Variants in NUMBL observed in about 807,000 individuals in gnomAD.
The protein encoded by NUMBL is numb-like protein.
A neutral mutation model predicts 48.9 loss-of-function variants in NUMBL; 20 were observed. The ratio of observed to expected loss-of-function variants is 0.41; its 90% CI spans 0.29 to 0.59. The LOEUF (loss-of-function observed/expected upper bound fraction) is 0.59, where lower values mean the gene tolerates loss of function less well. Among genes scored for constraint, NUMBL ranks in the 20% least tolerant of loss-of-function variants. The pLI, the probability that NUMBL is intolerant of heterozygous loss-of-function variation, is 0.31. For missense variants in NUMBL, 660 were observed against 846.2 expected, an observed-to-expected ratio of 0.78 and a Z score of 2.73; for synonymous variants, 340 against 348.7, an observed-to-expected ratio of 0.98 and a Z score of 0.28.
chr19:40,684,436 G>A lies in NUMBL; in HGVS notation c.230C>T (p.Thr77Met), dbSNP rs566656024. 1.6e-5 allele frequency: 25 copies of A among 1,572,806 alleles called. No homozygotes were observed. The South Asian group carries it at 1.8e-4, about 12-fold the overall frequency. The stretch of plus-strand genomic sequence containing the variant: ...ACTCACCCTGACCGGGAAGCTGCAC[G>A]TGCCCTTCCGCACCGCGTCCTCGTC... ...QADEDAVRKG[T>M]CSFPVRYLGH... Residue 77 changes from threonine to methionine, a missense_variant, in exon 3 of 10, where the codon ACG becomes ATG. Coordinates refer to ENST00000252891, the MANE Select transcript of NUMBL (RefSeq NM_004756.5).
chr19:40,671,071 G>T (rs934287549), intron 8 of NUMBL, among the ~76,000 whole-genome samples: 1 of 152,088 alleles, frequency 6.6e-6, no homozygotes, highest in Non-Finnish European at 1.5e-5. Context: ...CCGCCTCCCA[G>T]GCTCAAGCAA....
At position 40,684,540 on chromosome 19, in the gene NUMBL, C is replaced by A. The variant is rs1287014038; in HGVS notation, c.126G>T (p.Met42Ile). 1 of 1,609,970 alleles carries A rather than the reference C, an allele frequency of 6.2e-7. No individual in the cohort carries two copies. The highest frequency in any genetic ancestry group is 1.1e-5 in the South Asian group (1 of 90,540). The part of the protein sequence containing the change: ...CRTEPDGAGT[M>I]NKLRQSLRRR... ...GCCGCAGGCTCTGCCGTAACTTGTTCATGGTGCCCGCCCCGTCTGGTGACA... is the reference window on the plus strand; with the variant it reads ...GCCGCAGGCTCTGCCGTAACTTGTTAATGGTGCCCGCCCCGTCTGGTGACA... The change falls in exon 3 of 10, where the codon ATG becomes ATT. Residue 42 changes from methionine (M) to isoleucine (I), a missense_variant. By Grantham distance (10) the Met-to-Ile change is conservative. Transcript: ENST00000252891.
rs1456727937 is a variant in NUMBL, at chr19:40,665,917, A to G, written c.*1551T>C. 2.0e-5 allele frequency: 3 copies of G among 152,234 alleles called. No individual in the cohort carries two copies. The highest frequency in any genetic ancestry group is 4.4e-5 in the Non-Finnish European group (3 of 68,052). 9.4% of individuals were successfully genotyped at this position (152,234 alleles called of 1,614,324 possible). On this transcript the variant is annotated 3_prime_UTR_variant, in exon 10 of 10. Coordinates refer to ENST00000252891, the MANE Select transcript of NUMBL (RefSeq NM_004756.5). Reference sequence around the variant, plus strand: ...ATCAACCACCTCATTTTAAAGAGCTATAACGAAACAAAATTTATATGTTAT... The same window carrying G: ...ATCAACCACCTCATTTTAAAGAGCTGTAACGAAACAAAATTTATATGTTAT...
At chr19:40,680,264 C>T (rs939076118) in intron 6 of NUMBL, among the ~76,000 whole-genome samples, 3 of 151,142 alleles carry the variant, frequency 2.0e-5, no homozygotes, top group Non-Finnish European at 4.4e-5. Context: ...TCTCCTACCT[C>T]AGCCTCTGGA....
intron 6 of NUMBL, among the ~76,000 whole-genome samples, chr19:40,677,833 G>T (rs2081885562): frequency 6.6e-6 from 1 of 152,146 alleles, no homozygotes; most frequent in Admixed American, 6.5e-5. Context: ...GGGTGACAGA[G>T]TGAGATTCTG....
chr19:40,682,658 T>C lies in NUMBL; in HGVS notation c.399+70A>G. The C allele has an allele frequency of 2.1e-6, 3 of 1,454,450 alleles. No homozygotes were observed. The highest frequency in any genetic ancestry group is 2.9e-6 in the Non-Finnish European group (3 of 1,049,930). The allele number at this position is 1,454,450 out of a possible 1,614,324, so 90.1% of individuals were successfully genotyped here. On this transcript the variant is annotated intron_variant, in intron 5 of 9. Coordinates refer to ENST00000252891, the MANE Select transcript of NUMBL (RefSeq NM_004756.5). This position sits in a 1 kb window ranked among gnomAD's most constrained non-coding sequence, Gnocchi z 4.0. Reference sequence around the variant, plus strand: ...GGGATGTGCAGAGGAGGCGGGAAGGTGTCCTCCGCCCTGATTCCAGCAGGG... The same window carrying C: ...GGGATGTGCAGAGGAGGCGGGAAGGCGTCCTCCGCCCTGATTCCAGCAGGG...
At chr19:40,669,378 T>C (rs560424401) in intron 9 of NUMBL, among the ~76,000 whole-genome samples, 4 of 152,068 alleles carry the variant, frequency 2.6e-5, no homozygotes, top group Non-Finnish European at 4.4e-5. Context: ...ATTCCATGGC[T>C]CTAAGATGAT....
intron 1 of NUMBL, chr19:40,690,177 T>C: frequency 3.0e-6 from 1 of 329,438 alleles, no homozygotes; most frequent in Non-Finnish European, 5.5e-6. Context: ...TTCTAGGAGT[T>C]GTACCTAGAA....
chr19:40,668,194 C>A (rs1432446964), intron 9 of NUMBL, 56 bp from the exon 10 acceptor site: 19 of 1,515,270 alleles, frequency 1.3e-5, no homozygotes, highest in Non-Finnish European at 1.5e-5. Context: ...GCAGAAGAAC[C>A]CCAGGCTGGG....
At position 40,682,688 on chromosome 19, in the gene NUMBL, C is replaced by A. The variant is rs373100861; in HGVS notation, c.399+40G>T. ...TCCGCCCTGATTCCAGCAGGGTGAG[C>A]AGACAGGCCCCCTGGCGTCCACCCC... On this transcript the variant is annotated intron_variant, in intron 5 of 9. Coordinates refer to ENST00000252891, the MANE Select transcript of NUMBL (RefSeq NM_004756.5). The surrounding 1 kb of genome is among the most constrained non-coding windows in gnomAD (Gnocchi z 4.0). 2.5e-6 allele frequency: 4 copies of A among 1,596,036 alleles called. No homozygotes were observed. Among genetic ancestry groups the A allele is most frequent in the African/African-American group, 2.7e-5 (2 of 74,654 alleles).
chr19:40,676,876 G>A (rs1032891034), intron 7 of NUMBL, among the ~76,000 whole-genome samples: 5 of 151,834 alleles, frequency 3.3e-5, no homozygotes, highest in African/African-American at 9.7e-5. Flanking sequence ...GTGCAGTGGC[G>A]TGATCTCGGC....
Position 40,667,026 on chromosome 19 carries a change from T to G in NUMBL, c.*442A>C. ...GGCAGCCCTTAGCTTGTGCTGTGCATGGGGGGAGGAGACGACCAGATTTGG... is the reference window on the plus strand; with the variant it reads ...GGCAGCCCTTAGCTTGTGCTGTGCAGGGGGGGAGGAGACGACCAGATTTGG... On this transcript the variant is annotated 3_prime_UTR_variant, in exon 10 of 10. Transcript: ENST00000252891. The surrounding 1 kb of genome is among the most constrained non-coding windows in gnomAD (Gnocchi z 6.1). 4.4e-6 allele frequency: 1 copy of G among 229,028 alleles called. No individual in the cohort carries two copies. Among genetic ancestry groups the G allele is most frequent in the Non-Finnish European group, 8.7e-6 (1 of 114,418 alleles). The allele number at this position is 229,028 out of a possible 1,614,324, so 14.2% of individuals were successfully genotyped here.
intron 2 of NUMBL, chr19:40,685,437 C>G (rs957899134): frequency 1.9e-5 from 3 of 153,946 alleles, no homozygotes; most frequent in Non-Finnish European, 4.4e-5. Context: ...GAACGCATGT[C>G]TGAGAATGGT....
intron 9 of NUMBL, among the ~76,000 whole-genome samples, chr19:40,668,951 T>C (rs1287787707): frequency 6.6e-6 from 1 of 152,212 alleles, no homozygotes; most frequent in Non-Finnish European, 1.5e-5. Context: ...TTTGAGATTC[T>C]AAGGTGCACC....
intron 1 of NUMBL, chr19:40,690,033 A>C (rs2081956123): frequency 6.4e-6 from 1 of 155,532 alleles, no homozygotes; most frequent in Non-Finnish European, 1.4e-5. Flanking sequence ...CATCCTCGAG[A>C]CCGTACCTAG....
At chr19:40,681,600 G>C (rs182097667) in intron 5 of NUMBL, among the ~76,000 whole-genome samples, 31 of 152,226 alleles carry the variant, frequency 2.0e-4, no homozygotes, top group Admixed American at 1.9e-3. Flanking sequence ...ACTGGGCAGG[G>C]TGACAATAAA....
intron 6 of NUMBL, among the ~76,000 whole-genome samples, chr19:40,679,453 C>T (rs1221953045): frequency 5.3e-5 from 8 of 152,020 alleles, no homozygotes; most frequent in East Asian, 1.9e-4. Context: ...CAGAGGCAGG[C>T]GGATCACCTG....
intron 7 of NUMBL, among the ~76,000 whole-genome samples, chr19:40,675,460 C>T (rs1205377372): frequency 6.6e-6 from 1 of 151,550 alleles, no homozygotes; most frequent in Non-Finnish European, 1.5e-5. Context: ...TTTGTAAATT[C>T]TAAGTAGTGT....
In NUMBL at chr19:40,668,157, C is replaced by A; in HGVS notation, c.1160-19G>T. 1 of 1,571,896 alleles carries A rather than the reference C, an allele frequency of 6.4e-7. No homozygotes were observed. Among genetic ancestry groups the A allele is most frequent in the Non-Finnish European group, 8.6e-7 (1 of 1,156,876 alleles). On this transcript the variant is annotated intron_variant, in intron 9 of 9. Transcript: ENST00000252891. Reference sequence around the variant, plus strand: ...GAAGTCCCTGGAGAGAGGAGAGGGACAGGTGAGGGAGGGGGCAACGGCTTC... The same window carrying A: ...GAAGTCCCTGGAGAGAGGAGAGGGAAAGGTGAGGGAGGGGGCAACGGCTTC...
Sources: allele counts gnomAD v4.1 joint callset (sites outside exome capture counted in the v4.1 genomes callset), GRCh38; gene constraint gnomAD v4.1.1; non-coding constraint Gnocchi (gnomAD v3.1); transcripts MANE v1.5; gene names NCBI Gene and HGNC (gene_info 2026-07-23, HGNC 2026-07-21).